The following ABCC5 variants were observed in gnomAD, a reference collection of about 807,000 sequenced individuals.
ABCC5 encodes ATP-binding cassette sub-family C member 5.
ABCC5 carries 61 observed loss-of-function variants against 160.9 expected under a neutral mutation model. The ratio of observed to expected loss-of-function variants is 0.38; its 90% CI spans 0.31 to 0.47. The LOEUF (loss-of-function observed/expected upper bound fraction) is 0.47, where lower values mean the gene tolerates loss of function less well. ABCC5 is among the 20% of genes least tolerant of loss of function. The pLI, the probability that ABCC5 is intolerant of heterozygous loss-of-function variation, is 0.99. For missense variants in ABCC5, 1,308 were observed against 1,813.3 expected (o/e 0.72, Z 5.06); for synonymous variants, 666 against 700.6 (o/e 0.95, Z 0.78).
At chr3:184,016,765 G>A (rs1402296271) in intron 1 of ABCC5, among the ~76,000 whole-genome samples, 1 of 152,192 alleles carries the variant, frequency 6.6e-6, no homozygotes, top group African/African-American at 2.4e-5. Flanking sequence ...GCCCAATAGG[G>A]TTGAGGCCAC....
rs189611500 is a variant in ABCC5, at chr3:183,963,614, A to T, written c.2032-26T>A. On this transcript the variant is annotated intron_variant, in intron 14 of 29. Transcript: ENST00000334444. This position sits in a 1 kb window ranked among gnomAD's most constrained non-coding sequence, Gnocchi z 4.6. Reference sequence around the variant, plus strand: ...CTACAAGAGCCCAGAAGTGTGGTGAAGCCTCCAGCGCAAGTCCAGAACAGC... The same window carrying T: ...CTACAAGAGCCCAGAAGTGTGGTGATGCCTCCAGCGCAAGTCCAGAACAGC... 4.3e-6 allele frequency: 7 copies of T among 1,611,764 alleles called. No homozygotes were observed. The Admixed American group carries it at 8.3e-5, about 19-fold the overall frequency.
Position 183,978,519 on chromosome 3 carries a change from T to A in ABCC5, c.1280A>T (p.Asp427Val). The A allele has an allele frequency of 6.2e-7, 1 of 1,613,930 alleles. No homozygotes were observed. The highest frequency in any genetic ancestry group is 1.1e-5 in the South Asian group (1 of 91,062). ...TFSVHMTLGFDLTAAQAFTVV... is the reference protein window; with the variant it reads ...TFSVHMTLGFVLTAAQAFTVV... ...TTCCCTGACCTGTGCTGCTGTCAGATCGAAGCCCAGGGTCATATGAACAGA... is the reference window on the plus strand; with the variant it reads ...TTCCCTGACCTGTGCTGCTGTCAGAACGAAGCCCAGGGTCATATGAACAGA... The change falls in exon 9 of 30, where the codon GAT (aspartate) becomes GTT (valine). Residue 427 changes from aspartate to valine, a missense_variant. Physicochemically the swap from Asp to Val is radical, Grantham distance 152 (BLOSUM62 -3). Coordinates refer to ENST00000334444, the MANE Select transcript of ABCC5 (RefSeq NM_005688.4).
chr3:183,984,685 C>T, intron 5 of ABCC5: 1 of 1,486,274 alleles, frequency 6.7e-7, no homozygotes, highest in South Asian at 1.3e-5. Flanking sequence ...AGGTTTATAT[C>T]CATTGCTTGG....
At chr3:183,931,010 C>T (rs1484954302) in intron 26 of ABCC5, among the ~76,000 whole-genome samples, 2 of 152,102 alleles carry the variant, frequency 1.3e-5, no homozygotes, top group South Asian at 2.1e-4. Context: ...CGTATAAATG[C>T]TATGTTTTTT....
At chr3:183,952,967 C>A (rs1254439982) in intron 18 of ABCC5, 119 bp downstream of exon 18, 3 of 1,201,852 alleles carry the variant, frequency 2.5e-6, no homozygotes, top group Non-Finnish European at 3.5e-6. Context: ...CTGGAAAAAT[C>A]TCTCTTTACA....
At chr3:184,002,365 C>A (rs560479503) in intron 2 of ABCC5, among the ~76,000 whole-genome samples, 7 of 150,310 alleles carry the variant, frequency 4.7e-5, no homozygotes, top group Non-Finnish European at 1.0e-4. Flanking sequence ...CACCACTGCA[C>A]GCCAGCCTGG....
chr3:183,968,126 T>TATA (rs1201646069), intron 11 of ABCC5, among the ~76,000 whole-genome samples: 1 of 148,592 alleles, frequency 6.7e-6, no homozygotes, highest in African/African-American at 2.4e-5. Context: ...AAAATCATTT[T>TATA]ATTATTATTA....
chr3:183,949,642 G>C lies in ABCC5; in HGVS notation c.3227+111C>G. The C allele has an allele frequency of 7.6e-7, 1 of 1,313,384 alleles. No homozygotes were observed. Among genetic ancestry groups the C allele is most frequent in the Middle Eastern group, 2.8e-4 (1 of 3,582 alleles). The allele number at this position is 1,313,384 out of a possible 1,614,324, so 81.4% of individuals were successfully genotyped here. On this transcript the variant is annotated intron_variant, in intron 22 of 29. Transcript: ENST00000334444. This position sits in a 1 kb window ranked among gnomAD's most constrained non-coding sequence, Gnocchi z 4.2. ...ATTCCATTAAATCATGAATACCCTT[G>C]GTAATGAGGTTTATAATCCCCATCT...
At chr3:184,014,233 AG>A in intron 2 of ABCC5, 30 bp downstream of exon 2, 1 of 1,589,500 alleles carries the variant, frequency 6.3e-7, no homozygotes, top group Non-Finnish European at 8.6e-7. Flanking sequence ...TACAACAAGC[AG>A]GTAAGAGACT....
chr3:183,986,377 T>A (rs1342591139), intron 5 of ABCC5: 2 of 152,192 alleles, frequency 1.3e-5, no homozygotes, highest in Admixed American at 1.3e-4. Context: ...AAAGGAGGGC[T>A]CTTAGCTTTC....
intron 10 of ABCC5, among the ~76,000 whole-genome samples, chr3:183,974,689 G>C (rs2108841203): frequency 6.6e-6 from 1 of 152,328 alleles, no homozygotes; most frequent in Non-Finnish European, 1.5e-5. Context: ...TGGGTGTCCT[G>C]TGTCTGTATT....
chr3:183,958,633 A>G (rs1716445719), intron 17 of ABCC5, among the ~76,000 whole-genome samples: 1 of 151,950 alleles, frequency 6.6e-6, no homozygotes, highest in Admixed American at 6.6e-5. Flanking sequence ...CCAATACCAA[A>G]TATCTCCTGC....
intron 10 of ABCC5, among the ~76,000 whole-genome samples, chr3:183,972,696 G>A (rs918519462): frequency 5.9e-5 from 9 of 152,098 alleles, no homozygotes. Context: ...CCAGATAGGA[G>A]TGCAGTGGCA....
chr3:183,981,793 C>T lies in ABCC5; in HGVS notation c.1081G>A (p.Val361Ile), dbSNP rs1718767653. 1 of 1,611,114 alleles carries T rather than the reference C, an allele frequency of 6.2e-7. No individual in the cohort carries two copies. Among genetic ancestry groups the T allele is most frequent in the East Asian group, 2.2e-5 (1 of 44,658 alleles). ...TTGATAAATTTAATGTAAGTAAGAA[C>T]TTCATTCATCTTCTGGACACGTTCA... ...TDERVQKMNE[V>I]LTYIKFIKMY... Residue 361 changes from valine (V) to isoleucine (I), a missense_variant, in exon 8 of 30, where the codon GTT becomes ATT. Coordinates refer to ENST00000334444, the MANE Select transcript of ABCC5 (RefSeq NM_005688.4).
At chr3:183,984,018 G>C in intron 5 of ABCC5, 3 of 985,410 alleles carry the variant, frequency 3.0e-6, no homozygotes, top group Non-Finnish European at 3.6e-6. Flanking sequence ...CAATCAGTGA[G>C]GGCTCCTGAG....
At chr3:184,005,149 C>G (rs760704366) in intron 2 of ABCC5, among the ~76,000 whole-genome samples, 1 of 152,132 alleles carries the variant, frequency 6.6e-6, no homozygotes, top group Non-Finnish European at 1.5e-5. Flanking sequence ...GGAAGCTCAC[C>G]CAGCCCCAGC....
intron 10 of ABCC5, among the ~76,000 whole-genome samples, chr3:183,974,393 T>A (rs1560023143): frequency 6.6e-6 from 1 of 152,196 alleles, no homozygotes. Context: ...CTGCAACCTC[T>A]GCCTCCCAGG....
At position 183,981,874 on chromosome 3, in the gene ABCC5, T is replaced by A. The variant is rs375449153; in HGVS notation, c.1000A>T (p.Met334Leu). ...TATGCTGTGAGCCGTGATGCAAACA[T>A]CTGAAAGGAAAAGCGATGCCACGCC... is the stretch of plus-strand genomic sequence containing the variant. ...AVFILFYPAMMFASRLTAYFR... is the reference protein window; with the variant it reads ...AVFILFYPAMLFASRLTAYFR... Residue 334 changes from methionine (M) to leucine (L), a missense_variant and splice_region_variant, in exon 8 of 30, where the codon ATG becomes TTG. By Grantham distance (15) the Met-to-Leu change is conservative (BLOSUM62 2). Around this residue, in one of 3 missense-constraint regions of ABCC5, gnomAD observed 1,142 missense variants for 1,527.1 expected, o/e 0.75. Transcript: ENST00000334444. 1 of 1,591,420 alleles carries A rather than the reference T, an allele frequency of 6.3e-7. No individual in the cohort carries two copies. The highest frequency in any genetic ancestry group is 1.4e-5 in the African/African-American group (1 of 73,498).
chr3:183,960,250 C>T (rs1716598966), intron 16 of ABCC5, among the ~76,000 whole-genome samples: 1 of 152,208 alleles, frequency 6.6e-6, no homozygotes, highest in Non-Finnish European at 1.5e-5. Context: ...CCTCCATATT[C>T]TGGCCCTGCC....
Sources: gnomAD v4.1 joint callset for allele counts (sites outside exome capture counted in the v4.1 genomes callset) on GRCh38, gnomAD v4.1.1 for gene constraint, gnomAD v4.1.1 regional missense constraint, Gnocchi (gnomAD v3.1) non-coding constraint, MANE v1.5 for transcripts, NCBI Gene and HGNC (gene_info 2026-07-23, HGNC 2026-07-21) for gene names.